MECOM: variants seen among roughly 807,000 people sequenced by gnomAD.
MECOM encodes the protein histone-lysine N-methyltransferase MECOM.
MECOM carries 13 observed loss-of-function variants against 116.3 expected under a neutral mutation model. The observed-to-expected ratio is 0.11, with a 90% CI of 0.07 to 0.18. MECOM has a LOEUF of 0.18. Among genes scored for constraint, MECOM ranks in the 10% least tolerant of loss-of-function variants. MECOM has a pLI of 1.00. For missense variants in MECOM, 1,299 were observed against 1,509.0 expected (o/e 0.86, Z 2.31); for synonymous variants, 528 against 535.2 (o/e 0.99, Z 0.19).
chr3:169,544,690 G>A (rs559336874), intron 1 of MECOM, among the ~76,000 whole-genome samples: 47 of 152,262 alleles, frequency 3.1e-4, no homozygotes, highest in African/African-American at 5.8e-4. Context: ...CTATGCAACC[G>A]TAAAAAAGAA....
chr3:169,546,794 C>T (rs1760775817), intron 1 of MECOM, among the ~76,000 whole-genome samples: 1 of 152,198 alleles, frequency 6.6e-6, no homozygotes, highest in Non-Finnish European at 1.5e-5. Context: ...TTTAACTCTA[C>T]TTTTGAACTT....
intron 1 of MECOM, among the ~76,000 whole-genome samples, chr3:169,578,384 T>C (rs539315583): frequency 6.6e-6 from 1 of 152,136 alleles, no homozygotes; most frequent in South Asian, 2.1e-4. Flanking sequence ...TCCAAACCAC[T>C]TTTTTCCTGA....
At chr3:169,248,799 C>A (rs1577464461) in intron 2 of MECOM, among the ~76,000 whole-genome samples, 1 of 152,230 alleles carries the variant, frequency 6.6e-6, no homozygotes, top group Middle Eastern at 3.4e-3. Context: ...GTAAGTAGGG[C>A]ATAGTAAGTA....
At chr3:169,577,561 G>A (rs761527996) in intron 1 of MECOM, among the ~76,000 whole-genome samples, 5 of 151,834 alleles carry the variant, frequency 3.3e-5, no homozygotes, top group Non-Finnish European at 7.4e-5. Context: ...TGGATGGTTA[G>A]AAGGTAAAGA....
chr3:169,414,266 A>C (rs1738143531), intron 1 of MECOM, among the ~76,000 whole-genome samples: 1 of 152,228 alleles, frequency 6.6e-6, no homozygotes, highest in Non-Finnish European at 1.5e-5. Flanking sequence ...GTGAACCCCC[A>C]GCAAACTCCA....
At chr3:169,205,147 G>C (rs901400752) in intron 2 of MECOM, among the ~76,000 whole-genome samples, 2 of 152,026 alleles carry the variant, frequency 1.3e-5, no homozygotes, top group African/African-American at 2.4e-5. Context: ...ACATCAAGCT[G>C]CTAGGCTAAG....
At chr3:169,202,819 CAAA>C (rs11287862) in intron 2 of MECOM, among the ~76,000 whole-genome samples, 2 of 90,280 alleles carry the variant, frequency 2.2e-5, no homozygotes, top group African/African-American at 4.3e-5. Flanking sequence ...TTGCCATTAG[CAAA>C]AAAAAAAAAA....
At position 169,378,507 on chromosome 3, in the gene MECOM, AAG is replaced by A. The variant is rs559386633; in HGVS notation, c.375+2678_375+2679del. Among the ~76,000 whole-genome samples, 206 of 30,050 alleles carry A rather than the reference AAG, an allele frequency of 6.9e-3. 9 individuals are homozygous for A. The highest frequency in any genetic ancestry group is 0.012 in the African/African-American group (53 of 4,488). The allele number at this position is 30,050 out of a possible 152,430, so 19.7% of individuals were successfully genotyped here. On this transcript the variant is annotated intron_variant, in intron 2 of 16. Coordinates refer to ENST00000651503, the MANE Select transcript of MECOM (RefSeq NM_004991.4). ...AGAGAGAGAAAGAAAGAAAGAAAGAAAGAAAGAAAAGAAAGAAAGAAAGAAAG... is the reference window on the plus strand; with the variant it reads ...AGAGAGAGAAAGAAAGAAAGAAAGAAAAAGAAAAGAAAGAAAGAAAGAAAG...
chr3:169,296,372 C>A (rs1036165359), intron 2 of MECOM, among the ~76,000 whole-genome samples: 2 of 152,156 alleles, frequency 1.3e-5, no homozygotes, highest in South Asian at 4.1e-4. Flanking sequence ...ATATTCTTGG[C>A]GGCAGGCTGG....
Position 169,499,346 on chromosome 3 carries a change from C to CAAA in MECOM, c.38-117825_38-117823dup, listed in dbSNP as rs60302997. ...GCAGAGAGAAAAGACAGATTACCCA[C>CAAA]AAAAAAAAAAAAAAAAAAAAAAAAA... On this transcript the variant is annotated intron_variant, in intron 1 of 16. Coordinates refer to ENST00000651503, the MANE Select transcript of MECOM (RefSeq NM_004991.4). Among the ~76,000 whole-genome samples the CAAA allele has an allele frequency of 1.7e-3, 90 of 51,570 alleles. 6 individuals carry two copies. The highest frequency in any genetic ancestry group is 4.4e-3 in the African/African-American group (51 of 11,674). The allele number at this position is 51,570 out of a possible 152,430, so 33.8% of individuals were successfully genotyped here.
chr3:169,335,696 T>C (rs1354244648), intron 2 of MECOM, among the ~76,000 whole-genome samples: 5 of 152,154 alleles, frequency 3.3e-5, no homozygotes, highest in African/African-American at 1.2e-4. Context: ...TGTTATAATA[T>C]GTATTCATTA....
intron 1 of MECOM, among the ~76,000 whole-genome samples, chr3:169,472,714 A>G (rs1749743214): frequency 1.1e-5 from 1 of 90,844 alleles, no homozygotes; most frequent in African/African-American, 5.2e-5. Flanking sequence ...AAAGGAAGAA[A>G]GGGAGGGAGG....
At chr3:169,491,307 T>A (rs569956866) in intron 1 of MECOM, among the ~76,000 whole-genome samples, 13 of 152,244 alleles carry the variant, frequency 8.5e-5, no homozygotes, top group African/African-American at 3.1e-4. Context: ...AGGGCAAATG[T>A]CCTAACCAAA....
At chr3:169,218,033 G>A (rs1751637207) in intron 2 of MECOM, among the ~76,000 whole-genome samples, 2 of 151,604 alleles carry the variant, frequency 1.3e-5, no homozygotes, top group Admixed American at 1.3e-4. Flanking sequence ...TTAATGCTTA[G>A]GGCAGTAATC....
intron 1 of MECOM, among the ~76,000 whole-genome samples, chr3:169,632,810 G>A (rs1162215778): frequency 2.6e-5 from 4 of 152,136 alleles, no homozygotes; most frequent in African/African-American, 4.8e-5. Flanking sequence ...GATTTTCCGA[G>A]GCCCTATCTG....
chr3:169,477,148 T>TATATAC (rs1400596819), intron 1 of MECOM: 2 of 42,500 alleles, frequency 4.7e-5, no homozygotes, highest in African/African-American at 1.1e-4. Flanking sequence ...TATATATATA[T>TATATAC]ACACACACAC....
intron 2 of MECOM, among the ~76,000 whole-genome samples, chr3:169,279,523 A>C (rs1172423026): frequency 2.0e-5 from 3 of 152,208 alleles, no homozygotes; most frequent in African/African-American, 7.2e-5. Context: ...GAAGAGAGCA[A>C]AAGAAGAAAA....
chr3:169,507,118 T>C (rs989082171), intron 1 of MECOM, among the ~76,000 whole-genome samples: 1 of 152,210 alleles, frequency 6.6e-6, no homozygotes, highest in Non-Finnish European at 1.5e-5. Flanking sequence ...GTTGGTCAAC[T>C]ATCTACCCTA....
At chr3:169,097,817 T>TATAA (rs1553818439) in intron 12 of MECOM, among the ~76,000 whole-genome samples, 2 of 87,190 alleles carry the variant, frequency 2.3e-5, no homozygotes, top group African/African-American at 3.9e-5. Flanking sequence ...ACTGTCTATA[T>TATAA]AAAAAAAAAA....
Sources: allele counts gnomAD v4.1 joint callset (sites outside exome capture counted in the v4.1 genomes callset), GRCh38; gene constraint gnomAD v4.1.1; transcripts MANE v1.5; gene names NCBI Gene and HGNC (gene_info 2026-07-23, HGNC 2026-07-21).